IQCM: variants seen among roughly 807,000 people sequenced by gnomAD.
IQCM encodes IQ motif containing M.
A neutral mutation model predicts 57.6 loss-of-function variants in IQCM; 45 were observed. That is an observed-to-expected ratio of 0.78 (90% CI 0.62 to 1.00). The LOEUF is 1.00. Ranked by LOEUF, IQCM falls within the 50% of genes least tolerant of loss-of-function variation. IQCM has a pLI of 0.00. For synonymous variants in IQCM, 148 were observed against 158.9 expected, an observed-to-expected ratio of 0.93 and a Z score of 0.51; for missense variants, 468 against 511.6, an observed-to-expected ratio of 0.91 and a Z score of 0.82.
intron 2 of IQCM, among the ~76,000 whole-genome samples, chr4:149,744,942 A>C (rs1767785981): frequency 6.6e-6 from 1 of 152,200 alleles, no homozygotes; most frequent in Non-Finnish European, 1.5e-5. Flanking sequence ...AGTGATATAA[A>C]TCCGTGAGTA....
chr4:149,419,670 A>G (rs1430520083), intron 13 of IQCM, among the ~76,000 whole-genome samples: 1 of 152,192 alleles, frequency 6.6e-6, no homozygotes. Context: ...GAGTTTCTGC[A>G]CAGCAAAAGA....
chr4:149,483,767 T>A (rs950118381), intron 12 of IQCM, among the ~76,000 whole-genome samples: 1 of 152,140 alleles, frequency 6.6e-6, no homozygotes, highest in African/African-American at 2.4e-5. Flanking sequence ...AAATGTTCTG[T>A]AAATATCTAC....
intron 13 of IQCM, among the ~76,000 whole-genome samples, chr4:149,412,164 G>A (rs1442111035): frequency 1.3e-5 from 2 of 151,720 alleles, no homozygotes; most frequent in African/African-American, 2.4e-5. Context: ...AACAGATAAA[G>A]GAATACAAGG....
chr4:149,559,508 C>G (rs1163222309), intron 10 of IQCM, among the ~76,000 whole-genome samples: 3 of 152,128 alleles, frequency 2.0e-5, no homozygotes, highest in Admixed American at 6.5e-5. Flanking sequence ...CTCCAGATCT[C>G]AGTTTACTGG....
rs532627501 is a variant in IQCM, at chr4:149,414,967, T to A, written c.1390+18429A>T. Reference sequence around the variant, plus strand: ...TACTTTGCATCAAATATAATAAAACTATATTTTGTAACATAGATCCAGCTA... The same window carrying A: ...TACTTTGCATCAAATATAATAAAACAATATTTTGTAACATAGATCCAGCTA... On this transcript the variant is annotated intron_variant, in intron 13 of 13. Coordinates refer to ENST00000636793, the MANE Select transcript of IQCM (RefSeq NM_001363507.2). Among the ~76,000 whole-genome samples the A allele has an allele frequency of 4.9e-4, 74 of 152,264 alleles. 1 individual carries two copies. The South Asian group carries it at 0.015, about 32-fold the overall frequency.
At chr4:149,442,602 G>A (rs918948282) in intron 12 of IQCM, among the ~76,000 whole-genome samples, 2 of 151,934 alleles carry the variant, frequency 1.3e-5, no homozygotes, top group Non-Finnish European at 2.9e-5. Flanking sequence ...GTTACCAATA[G>A]CATGCACCTC....
chr4:149,540,069 T>A (rs1385674703), intron 12 of IQCM, among the ~76,000 whole-genome samples: 4 of 151,594 alleles, frequency 2.6e-5, no homozygotes, highest in African/African-American at 9.7e-5. Context: ...TTAAATGAGG[T>A]CATAAGGGTA....
chr4:149,607,197 C>A (rs1363879546), intron 8 of IQCM, among the ~76,000 whole-genome samples: 1 of 151,968 alleles, frequency 6.6e-6, no homozygotes, highest in African/African-American at 2.4e-5. Context: ...TATAAAGGAG[C>A]TCTGACAAGT....
At chr4:149,645,767 A>G (rs1440220095) in intron 7 of IQCM, among the ~76,000 whole-genome samples, 2 of 152,062 alleles carry the variant, frequency 1.3e-5, no homozygotes, top group Non-Finnish European at 2.9e-5. Flanking sequence ...AGGCCCTTGC[A>G]GTAAAGACAT....
At chr4:149,480,052 T>C (rs1740612008) in intron 12 of IQCM, among the ~76,000 whole-genome samples, 1 of 152,242 alleles carries the variant, frequency 6.6e-6, no homozygotes, top group Non-Finnish European at 1.5e-5. Flanking sequence ...TGATCTTATA[T>C]GACTACTGAC....
At chr4:149,414,550 C>G (rs1427363340) in intron 13 of IQCM, among the ~76,000 whole-genome samples, 1 of 152,118 alleles carries the variant, frequency 6.6e-6, no homozygotes, top group Non-Finnish European at 1.5e-5. Flanking sequence ...TCGATACACT[C>G]AGAGTTTGTC....
intron 2 of IQCM, among the ~76,000 whole-genome samples, chr4:149,762,616 A>G (rs17026435): frequency 0.09 from 13,730 of 152,084 alleles, 1,308 homozygotes; most frequent in African/African-American, 0.22. Context: ...TCTCCTCTCT[A>G]TAAGACAATC....
At chr4:149,628,771 A>G (rs1757016360) in intron 7 of IQCM, among the ~76,000 whole-genome samples, 1 of 152,172 alleles carries the variant, frequency 6.6e-6, no homozygotes, top group Non-Finnish European at 1.5e-5. Flanking sequence ...AGAAAACTTC[A>G]ATGATAAGAA....
At chr4:149,373,790 A>C (rs191147371) in intron 13 of IQCM, among the ~76,000 whole-genome samples, 132 of 152,102 alleles carry the variant, frequency 8.7e-4, no homozygotes, top group African/African-American at 3.1e-3. Flanking sequence ...CATCTTTTAG[A>C]TCTAGAACAC....
chr4:149,748,997 A>G lies in IQCM; in HGVS notation c.-48-6258T>C, dbSNP rs186467292. ...AAAGACATTCATTCAAAACTCATTC[A>G]TCACCCAGGAAACACAAATAAAACC... On this transcript the variant is annotated intron_variant, in intron 2 of 13. Coordinates refer to ENST00000636793, the MANE Select transcript of IQCM (RefSeq NM_001363507.2). Among the ~76,000 whole-genome samples the G allele has an allele frequency of 2.4e-4, 37 of 152,342 alleles. No homozygotes were observed. The East Asian group carries it at 6.5e-3, about 27-fold the overall frequency.
intron 9 of IQCM, among the ~76,000 whole-genome samples, chr4:149,584,114 A>G (rs1001737896): frequency 1.3e-5 from 2 of 151,516 alleles, no homozygotes; most frequent in African/African-American, 4.8e-5. Context: ...TTTTAAGACA[A>G]ATAGATATTT....
intron 13 of IQCM, among the ~76,000 whole-genome samples, chr4:149,387,061 A>C (rs1313132001): frequency 6.6e-6 from 1 of 152,080 alleles, no homozygotes; most frequent in East Asian, 1.9e-4. Context: ...GGCTGCTATA[A>C]CAACATACCA....
At chr4:149,502,677 A>C (rs1325131886) in intron 12 of IQCM, among the ~76,000 whole-genome samples, 1 of 152,124 alleles carries the variant, frequency 6.6e-6, no homozygotes, top group Non-Finnish European at 1.5e-5. Context: ...CTCTCTCAAA[A>C]ACCAAGCCAA....
rs529655149 is a variant in IQCM at position 149,434,903 on chromosome 4, G to A, written c.1229-1346C>T. Among the ~76,000 whole-genome samples the A allele has an allele frequency of 4.8e-4, 73 of 151,970 alleles. 1 individual carries two copies. In the South Asian group the frequency reaches 0.015, roughly 32 times the overall value. On this transcript the variant is annotated intron_variant, in intron 12 of 13. Transcript: ENST00000636793. Reference sequence around the variant, plus strand: ...ACCAGTGCAGCACCTTCCTATGAACGGCTTCCCACTGAGTTCCACAATGTG... The same window carrying A: ...ACCAGTGCAGCACCTTCCTATGAACAGCTTCCCACTGAGTTCCACAATGTG...
Sources: allele counts gnomAD v4.1 joint callset (sites outside exome capture counted in the v4.1 genomes callset), GRCh38; gene constraint gnomAD v4.1.1; transcripts MANE v1.5; gene names NCBI Gene and HGNC (gene_info 2026-07-23, HGNC 2026-07-21).